PCDHGB1: variants seen among roughly 807,000 people sequenced by gnomAD.
PCDHGB1 encodes protocadherin gamma-B1.
PCDHGB1 carries 34 observed loss-of-function variants against 56.6 expected under a neutral mutation model. The observed-to-expected ratio is 0.60, with a 90% CI of 0.46 to 0.80. PCDHGB1 has a LOEUF of 0.80. PCDHGB1 is among the 30% of genes least tolerant of loss of function. The pLI is 0.00. For synonymous variants in PCDHGB1, 561 were observed against 505.9 expected, an observed-to-expected ratio of 1.11 and a Z score of -1.46; for missense variants, 1,278 against 1,204.6, an observed-to-expected ratio of 1.06 and a Z score of -0.90.
At chr5:141,416,362 G>A (rs562901653) in intron 1 of PCDHGB1, 4 of 152,306 alleles carry the variant, frequency 2.6e-5, no homozygotes, top group African/African-American at 7.2e-5. Flanking sequence ...GGAGGCTATA[G>A]AGGGTGAAAT....
rs1438257730 is a variant in PCDHGB1, at chr5:141,477,587, C to G, written c.2410-17220C>G. 4.3e-6 allele frequency: 7 copies of G among 1,614,094 alleles called. 1 individual carries two copies. In the South Asian group the frequency reaches 7.7e-5, roughly 18 times the overall value. ...GGACCCCGACGCCCCGCAGAATGCT[C>G]GGCTTTCTTTCTTTCTCTTGGAGCA... On this transcript the variant is annotated intron_variant, in intron 1 of 3. Transcript: ENST00000523390. The surrounding 1 kb of genome is among the most constrained non-coding windows in gnomAD (Gnocchi z 4.9).
At chr5:141,470,001 C>T (rs753591964) in intron 1 of PCDHGB1, among the ~76,000 whole-genome samples, 6 of 152,006 alleles carry the variant, frequency 3.9e-5, no homozygotes, top group Admixed American at 1.3e-4. Context: ...CGTCGTGGCA[C>T]GCCTGTAATC....
At chr5:141,372,507 C>G (rs1393188281) in intron 1 of PCDHGB1, 1 of 1,614,044 alleles carries the variant, frequency 6.2e-7, no homozygotes, top group Non-Finnish European at 8.5e-7. Context: ...GCTCTTCCTC[C>G]TCGCGGTGAT....
At chr5:141,430,986 C>T (rs549700048) in intron 1 of PCDHGB1, 3 of 1,613,762 alleles carry the variant, frequency 1.9e-6, no homozygotes, top group East Asian at 2.2e-5. Flanking sequence ...CAGCTTTTCG[C>T]CCTGAATCCG....
chr5:141,399,263 A>G, intron 1 of PCDHGB1: 9 of 1,613,918 alleles, frequency 5.6e-6, no homozygotes, highest in Non-Finnish European at 7.6e-6. Context: ...GGGGAGGTTA[A>G]TTGTCAATTA....
At chr5:141,403,646 G>A in intron 1 of PCDHGB1, 1 of 1,613,950 alleles carries the variant, frequency 6.2e-7, no homozygotes, top group Non-Finnish European at 8.5e-7. Context: ...CCATGTGACA[G>A]TGTTGGATAC....
At position 141,414,416 on chromosome 5, in the gene PCDHGB1, T is replaced by C. The variant is rs550804810; in HGVS notation, c.2409+61747T>C. The C allele has an allele frequency of 2.2e-5, 35 of 1,613,902 alleles. No homozygotes were observed. In the South Asian group the frequency reaches 3.5e-4, roughly 16 times the overall value. On this transcript the variant is annotated intron_variant, in intron 1 of 3. Coordinates refer to ENST00000523390, the MANE Select transcript of PCDHGB1 (RefSeq NM_018922.3). ...TACAGATTGGTGATACACAGAGCCCTTGACAGGGAACAGGTATCCTCTTAC... is the reference window on the plus strand; with the variant it reads ...TACAGATTGGTGATACACAGAGCCCCTGACAGGGAACAGGTATCCTCTTAC...
chr5:141,414,934 G>A (rs1473788181), intron 1 of PCDHGB1: 1 of 1,614,146 alleles, frequency 6.2e-7, no homozygotes, highest in South Asian at 1.1e-5. Context: ...CCGCTCCGCA[G>A]AGCCCGGCTA....
chr5:141,385,256 A>G lies in PCDHGB1; in HGVS notation c.2409+32587A>G, dbSNP rs779090806. On this transcript the variant is annotated intron_variant, in intron 1 of 3. Transcript: ENST00000523390. Reference sequence around the variant, plus strand: ...ATGCTCATCAGCCAGGAGAGCTGTGAGAAAAATGATTCTTTGCTAACATCC... The same window carrying G: ...ATGCTCATCAGCCAGGAGAGCTGTGGGAAAAATGATTCTTTGCTAACATCC... 7 of 1,613,794 alleles carry G rather than the reference A, an allele frequency of 4.3e-6. No homozygotes were observed. In the Admixed American group the frequency reaches 1.0e-4, roughly 23 times the overall value.
intron 1 of PCDHGB1, among the ~76,000 whole-genome samples, chr5:141,457,190 G>A (rs2098913282): frequency 6.6e-6 from 1 of 152,200 alleles, no homozygotes; most frequent in African/African-American, 2.4e-5. Context: ...GTAGAGTGAG[G>A]AAAGCAGTTC....
Position 141,485,395 on chromosome 5 carries a change from C to T in PCDHGB1, c.2410-9412C>T. On this transcript the variant is annotated intron_variant, in intron 1 of 3. Coordinates refer to ENST00000523390, the MANE Select transcript of PCDHGB1 (RefSeq NM_018922.3). The surrounding 1 kb of genome is among the most constrained non-coding windows in gnomAD (Gnocchi z 5.7). Reference sequence around the variant, plus strand: ...TCGCTGGAGAGGTGAACCAAAGACACTTCCGTGTGGATTTGGACAGCGGAG... The same window carrying T: ...TCGCTGGAGAGGTGAACCAAAGACATTTCCGTGTGGATTTGGACAGCGGAG... 5 of 1,614,154 alleles carry T rather than the reference C, an allele frequency of 3.1e-6. No homozygotes were observed. Among genetic ancestry groups the T allele is most frequent in the Non-Finnish European group, 3.4e-6 (4 of 1,180,026 alleles).
At chr5:141,366,220 A>C in intron 1 of PCDHGB1, 1 of 1,613,804 alleles carries the variant, frequency 6.2e-7, no homozygotes, top group Non-Finnish European at 8.5e-7. Context: ...GCACAGCGCG[A>C]GCCCTGCTGG....
Position 141,485,602 on chromosome 5 carries a change from G to A in PCDHGB1, c.2410-9205G>A, listed in dbSNP as rs766134158. On this transcript the variant is annotated intron_variant, in intron 1 of 3. Transcript: ENST00000523390. The surrounding 1 kb of genome is among the most constrained non-coding windows in gnomAD (Gnocchi z 5.7). ...GGCAGCAGCTGGACTTGGAAATTGG[G>A]GAGGCAGCTCCTCCAGGACAGCGTT... is the stretch of plus-strand genomic sequence containing the variant. 2.5e-6 allele frequency: 4 copies of A among 1,612,418 alleles called. No individual in the cohort carries two copies. In the Admixed American group the frequency reaches 5.0e-5, roughly 20 times the overall value.
chr5:141,404,392 T>A, intron 1 of PCDHGB1: 1 of 1,613,938 alleles, frequency 6.2e-7, no homozygotes, highest in Non-Finnish European at 8.5e-7. Context: ...ATGACCCTGA[T>A]AGCAATGAGA....
At chr5:141,418,433 C>G (rs761824602) in intron 1 of PCDHGB1, 44 of 1,613,938 alleles carry the variant, frequency 2.7e-5, no homozygotes, top group Non-Finnish European at 3.7e-5. Flanking sequence ...TGGCAAATAT[C>G]CAGAATTAGT....
At chr5:141,366,410 G>C in intron 1 of PCDHGB1, 1 of 1,614,204 alleles carries the variant, frequency 6.2e-7, no homozygotes, top group South Asian at 1.1e-5. Context: ...ACTCTATCTT[G>C]TGGTGGCAGT....
chr5:141,431,012 G>A lies in PCDHGB1; in HGVS notation c.2410-63795G>A. On this transcript the variant is annotated intron_variant, in intron 1 of 3. Coordinates refer to ENST00000523390, the MANE Select transcript of PCDHGB1 (RefSeq NM_018922.3). This position sits in a 1 kb window ranked among gnomAD's most constrained non-coding sequence, Gnocchi z 4.8. The stretch of plus-strand genomic sequence containing the variant: ...CCTGAATCCGCGCAGCGGCAGCTTG[G>A]TCACGGCGGGCAGGATAGACCGGGA... 1 of 1,613,314 alleles carries A rather than the reference G, an allele frequency of 6.2e-7. No individual in the cohort carries two copies. Among genetic ancestry groups the A allele is most frequent in the South Asian group, 1.1e-5 (1 of 91,076 alleles).
Position 141,350,699 on chromosome 5 carries a change from G to A in PCDHGB1, c.439G>A (p.Val147Ile), listed in dbSNP as rs1758541780. The change falls in exon 1 of 4, where the codon GTA (valine) becomes ATA (isoleucine). Residue 147 changes from valine to isoleucine, a missense_variant. Coordinates refer to ENST00000523390, the MANE Select transcript of PCDHGB1 (RefSeq NM_018922.3). ...LEICESALPG[V>I]KFSLDSAQDA... ...AATTTGTGAGTCAGCCTTACCCGGGGTAAAATTCTCTCTGGATTCTGCTCA... is the reference window on the plus strand; with the variant it reads ...AATTTGTGAGTCAGCCTTACCCGGGATAAAATTCTCTCTGGATTCTGCTCA... 1 of 1,613,844 alleles carries A rather than the reference G, an allele frequency of 6.2e-7. No individual in the cohort carries two copies. Among genetic ancestry groups the A allele is most frequent in the East Asian group, 2.2e-5 (1 of 44,900 alleles).
chr5:141,395,127 C>T (rs767438347), intron 1 of PCDHGB1: 2 of 1,614,200 alleles, frequency 1.2e-6, no homozygotes, highest in African/African-American at 1.3e-5. Context: ...GATCTTTCCC[C>T]AGCCCAACTA....
Sources: gnomAD v4.1 joint callset for allele counts (sites outside exome capture counted in the v4.1 genomes callset) on GRCh38, gnomAD v4.1.1 for gene constraint, Gnocchi (gnomAD v3.1) non-coding constraint, MANE v1.5 for transcripts, NCBI Gene and HGNC (gene_info 2026-07-23, HGNC 2026-07-21) for gene names.